Variants in FKBP14 observed in about 807,000 individuals in gnomAD.
FKBP14 encodes peptidyl-prolyl cis-trans isomerase FKBP14.
In FKBP14, 20 loss-of-function variants were observed where a neutral mutation model predicts 21.6. That is an observed-to-expected ratio of 0.92 (90% CI 0.65 to 1.34). The LOEUF is 1.34. Ranked by LOEUF, FKBP14 falls within the 40% of genes most tolerant of loss-of-function variation. The pLI is 0.00. For synonymous variants in FKBP14, 79 were observed against 86.7 expected (o/e 0.91, Z 0.49); for missense variants, 253 against 249.0 (o/e 1.02, Z -0.11).
rs868777031 is a variant in FKBP14, at chr7:30,011,296, C to T, written c.*3439G>A. ...CCTCGAGTGATCCACCCACCTTGGCCTCCCATAATGCTGGGATTATAGGCA... is the reference window on the plus strand; with the variant it reads ...CCTCGAGTGATCCACCCACCTTGGCTTCCCATAATGCTGGGATTATAGGCA... On this transcript the variant is annotated 3_prime_UTR_variant, in exon 4 of 4. Coordinates refer to ENST00000222803, the MANE Select transcript of FKBP14 (RefSeq NM_017946.4). 2 of 151,680 alleles carry T rather than the reference C, an allele frequency of 1.3e-5. No individual in the cohort carries two copies. The highest frequency in any genetic ancestry group is 4.8e-5 in the African/African-American group (2 of 41,250). The allele number at this position is 151,680 out of a possible 1,614,324, so 9.4% of individuals were successfully genotyped here.
chr7:30,020,002 G>C (rs1203343428), intron 2 of FKBP14, among the ~76,000 whole-genome samples: 1 of 151,986 alleles, frequency 6.6e-6, no homozygotes, highest in Non-Finnish European at 1.5e-5. Context: ...CCAGGAACCT[G>C]AAACAAACAA....
rs545658240 is a variant in FKBP14, at chr7:30,024,151, C to T, written c.198-1335G>A. ...GTGAGAAAAAGAAGTCACTGTACTA[C>T]GCTTCATGAGTACCATGGTTACTAA... On this transcript the variant is annotated intron_variant, in intron 1 of 3. Transcript: ENST00000222803. Among the ~76,000 whole-genome samples the T allele has an allele frequency of 4.9e-4, 75 of 152,294 alleles. 1 individual carries two copies. The highest frequency in any genetic ancestry group is 3.4e-3 in the Middle Eastern group (1 of 294).
chr7:30,005,973 G>T (rs1017915700), downstream of FKBP14, among the ~76,000 whole-genome samples: 2 of 151,882 alleles, frequency 1.3e-5, no homozygotes, highest in African/African-American at 4.8e-5. Flanking sequence ...TCACAGAGGG[G>T]TACCATGTAC....
chr7:30,019,252 T>C, intron 2 of FKBP14, 129 bp from the exon 3 acceptor site: 1 of 802,898 alleles, frequency 1.2e-6, no homozygotes, highest in South Asian at 2.0e-5. Context: ...TCATATATGA[T>C]GAAAATTATG....
At chr7:30,005,925 C>G (rs1471863653), downstream of FKBP14, among the ~76,000 whole-genome samples, 2 of 152,036 alleles carry the variant, frequency 1.3e-5, no homozygotes, top group Non-Finnish European at 2.9e-5. Context: ...ACACCAAATG[C>G]ACAAAAAGAA....
At chr7:30,020,227 A>G in intron 2 of FKBP14, 1 of 1,254,462 alleles carries the variant, frequency 8.0e-7, no homozygotes. Flanking sequence ...TCAGATCTAG[A>G]CAGAGATGTG....
chr7:30,026,648 AT>A lies in FKBP14; in HGVS notation c.-141del. 1.5e-6 allele frequency: 1 copy of A among 679,990 alleles called. No individual in the cohort carries two copies. The highest frequency in any genetic ancestry group is 2.4e-6 in the Non-Finnish European group (1 of 418,306). 42.1% of individuals were successfully genotyped at this position (679,990 alleles called of 1,614,324 possible). The stretch of plus-strand genomic sequence containing the variant: ...TCCCCCTTCTTAGAAGACGTGGCAC[AT>A]TTACCACCAACTCTTTTCTCAAGGG... On this transcript the variant is annotated 5_prime_UTR_variant, in exon 1 of 4. The change creates a new upstream start codon in the 5' untranslated region. Transcript: ENST00000222803.
At chr7:30,017,251 T>C (rs545245004) in intron 3 of FKBP14, among the ~76,000 whole-genome samples, 2 of 150,892 alleles carry the variant, frequency 1.3e-5, no homozygotes, top group South Asian at 4.2e-4. Flanking sequence ...GAAGAGGATG[T>C]AGGTAGGAGA....
At chr7:30,026,135 G>T (rs534812521) in intron 1 of FKBP14, among the ~76,000 whole-genome samples, 177 bp downstream of exon 1, 1 of 152,176 alleles carries the variant, frequency 6.6e-6, no homozygotes, top group African/African-American at 2.4e-5. Flanking sequence ...ACCTTCAAAG[G>T]CCTCGCTCGC....
rs185640910 is a variant in FKBP14 at position 30,011,500 on chromosome 7, A to G, written c.*3235T>C. ...TGTAAGCTCCGTTAGTAAGTGCCCT[A>G]TACAGGTATACCATATATATATATA... On this transcript the variant is annotated 3_prime_UTR_variant, in exon 4 of 4. Transcript: ENST00000222803. The G allele has an allele frequency of 6.8e-6, 1 of 147,162 alleles. No individual in the cohort carries two copies. Among genetic ancestry groups the G allele is most frequent in the African/African-American group, 2.5e-5 (1 of 40,160 alleles). The allele number at this position is 147,162 out of a possible 1,614,324, so 9.1% of individuals were successfully genotyped here.
At chr7:30,024,105 C>G (rs1790108779) in intron 1 of FKBP14, among the ~76,000 whole-genome samples, 1 of 152,090 alleles carries the variant, frequency 6.6e-6, no homozygotes, top group Non-Finnish European at 1.5e-5. Context: ...GGAAAATATT[C>G]TATTCAAGGA....
At chr7:30,023,092 A>G (rs763457407) in intron 1 of FKBP14, among the ~76,000 whole-genome samples, 13 of 152,216 alleles carry the variant, frequency 8.5e-5, no homozygotes, top group Non-Finnish European at 1.3e-4. Flanking sequence ...TTTGTTGTAT[A>G]CCAGGAATTA....
intron 2 of FKBP14, among the ~76,000 whole-genome samples, chr7:30,020,688 A>G (rs1790007964): frequency 6.6e-6 from 1 of 152,206 alleles, no homozygotes; most frequent in South Asian, 2.1e-4. Flanking sequence ...AAATACCTTA[A>G]TATTTTCAGA....
chr7:30,022,491 C>T (rs562139076), intron 2 of FKBP14, 174 bp downstream of exon 2: 5 of 556,716 alleles, frequency 9.0e-6, no homozygotes, highest in African/African-American at 1.9e-5. Flanking sequence ...GACATTACGG[C>T]CTTAAACTGG....
chr7:30,017,544 G>GCAATCCA (rs1233668993), intron 3 of FKBP14, among the ~76,000 whole-genome samples: 1 of 151,596 alleles, frequency 6.6e-6, no homozygotes, highest in African/African-American at 2.4e-5. Flanking sequence ...AATCCAGCCT[G>GCAATCCA]GCAACAGAGT....
chr7:30,016,595 A>C lies in FKBP14; in HGVS notation c.478-1702T>G. On this transcript the variant is annotated intron_variant, in intron 3 of 3. Coordinates refer to ENST00000222803, the MANE Select transcript of FKBP14 (RefSeq NM_017946.4). ...TTTTAGTAGAGACAGGGTTTCACCA[A>C]GTTGGCCAGGCTGGCCTCGAACTCC... Among the ~76,000 whole-genome samples the C allele has an allele frequency of 1.3e-5, 2 of 151,262 alleles. 1 individual carries two copies. The highest frequency in any genetic ancestry group is 3.0e-5 in the Non-Finnish European group (2 of 67,708).
At chr7:30,026,034 A>C (rs1292520893) in intron 1 of FKBP14, among the ~76,000 whole-genome samples, 1 of 152,228 alleles carries the variant, frequency 6.6e-6, no homozygotes, top group African/African-American at 2.4e-5. Context: ...ATACACCCAG[A>C]TATATTTCTG....
At chr7:30,019,700 C>T (rs997617803) in intron 2 of FKBP14, among the ~76,000 whole-genome samples, 2 of 152,076 alleles carry the variant, frequency 1.3e-5, no homozygotes, top group Admixed American at 1.3e-4. Context: ...TAATAAATTT[C>T]CTCCTCAGGA....
At chr7:30,015,847 G>A (rs1180576701) in intron 3 of FKBP14, among the ~76,000 whole-genome samples, 1 of 151,848 alleles carries the variant, frequency 6.6e-6, no homozygotes, top group Non-Finnish European at 1.5e-5. Flanking sequence ...GGATGGTCTC[G>A]ATCTCCTGAC....
Sources: gnomAD v4.1 joint callset for allele counts (sites outside exome capture counted in the v4.1 genomes callset) on GRCh38, gnomAD v4.1.1 for gene constraint, MANE v1.5 for transcripts, NCBI Gene and HGNC (gene_info 2026-07-23, HGNC 2026-07-21) for gene names.